The following LYST variants were observed in gnomAD, a reference collection of about 807,000 sequenced individuals.
LYST encodes the protein lysosomal trafficking regulator, also known as lysosomal-trafficking regulator.
A neutral mutation model predicts 413.6 loss-of-function variants in LYST; 192 were observed. The observed-to-expected ratio is 0.46, with a 90% confidence interval of 0.41 to 0.52. The LOEUF is 0.52. LYST is among the 20% of genes least tolerant of loss of function. The pLI is 0.00. For missense variants in LYST, 3,815 were observed against 4,499.9 expected, an observed-to-expected ratio of 0.85 and a Z score of 4.35; for synonymous variants, 1,525 against 1,567.3, an observed-to-expected ratio of 0.97 and a Z score of 0.64.
At chr1:235,853,369 A>T (rs1387026521) in intron 1 of LYST, among the ~76,000 whole-genome samples, 1 of 152,198 alleles carries the variant, frequency 6.6e-6, no homozygotes, top group East Asian at 1.9e-4. Flanking sequence ...TAACTAGTGA[A>T]TATGGAAATA....
chr1:235,861,715 G>A (rs971473998), intron 1 of LYST, among the ~76,000 whole-genome samples: 5 of 152,022 alleles, frequency 3.3e-5, no homozygotes, highest in African/African-American at 4.8e-5. Context: ...GGCTGGACTC[G>A]AACCAGGCTC....
At chr1:235,776,387 T>G (rs149258083) in intron 17 of LYST, among the ~76,000 whole-genome samples, 4 of 152,264 alleles carry the variant, frequency 2.6e-5, no homozygotes, top group Non-Finnish European at 5.9e-5. Context: ...CTTGATAATG[T>G]TGCAAAAGTT....
At chr1:235,853,601 C>T (rs1248386640) in intron 1 of LYST, among the ~76,000 whole-genome samples, 2 of 151,928 alleles carry the variant, frequency 1.3e-5, no homozygotes, top group Non-Finnish European at 2.9e-5. Context: ...TTTCATATTT[C>T]AGGGTGTCAA....
intron 3 of LYST, among the ~76,000 whole-genome samples, chr1:235,815,178 G>A (rs921225985): frequency 4.6e-5 from 7 of 152,010 alleles, no homozygotes; most frequent in Non-Finnish European, 1.0e-4. Context: ...TCTTTTATCC[G>A]TTAAACAAAT....
chr1:235,847,105 G>T (rs1159168946), intron 1 of LYST, among the ~76,000 whole-genome samples: 1 of 152,128 alleles, frequency 6.6e-6, no homozygotes, highest in East Asian at 1.9e-4. Flanking sequence ...ATGAAGGAAA[G>T]AATTTTAAGA....
intron 34 of LYST, among the ~76,000 whole-genome samples, chr1:235,733,039 A>T (rs1313478694): frequency 3.9e-5 from 6 of 152,206 alleles, no homozygotes; most frequent in African/African-American, 1.2e-4. Flanking sequence ...CTTTTCGAGT[A>T]ATTCTTTTAT....
chr1:235,850,969 A>G lies in LYST; in HGVS notation c.-98+15874T>C, dbSNP rs1327409343. 2.6e-5 allele frequency among the ~76,000 whole-genome samples: 4 copies of G among 152,304 alleles called. No homozygotes were observed. In the East Asian group the frequency reaches 7.7e-4, roughly 29 times the overall value. On this transcript the variant is annotated intron_variant, in intron 1 of 52. Transcript: ENST00000389793. Reference sequence around the variant, plus strand: ...AGCCTCTATGGAAAACAATGTGGAGATTCCTTAAAGAACTAAAAGTAGAAC... The same window carrying G: ...AGCCTCTATGGAAAACAATGTGGAGGTTCCTTAAAGAACTAAAAGTAGAAC...
intron 50 of LYST, among the ~76,000 whole-genome samples, chr1:235,667,584 G>T (rs1658594454): frequency 6.6e-6 from 1 of 152,174 alleles, no homozygotes; most frequent in African/African-American, 2.4e-5. Flanking sequence ...GACCCCTGAG[G>T]ATATCAAAAT....
chr1:235,795,909 A>G (rs1671505166), intron 10 of LYST, among the ~76,000 whole-genome samples: 1 of 152,116 alleles, frequency 6.6e-6, no homozygotes, highest in Non-Finnish European at 1.5e-5. Flanking sequence ...TATTACTATA[A>G]TCAAATATAT....
chr1:235,798,576 C>CTTAAAAAAAAAAAAA lies in LYST; in HGVS notation c.4006+1743_4006+1744insTTTTTTTTTTTTTAA, dbSNP rs1558261064. Among the ~76,000 whole-genome samples, 6 of 24,546 alleles carry CTTAAAAAAAAAAAAA rather than the reference C, an allele frequency of 2.4e-4. 1 individual carries two copies. Among genetic ancestry groups the CTTAAAAAAAAAAAAA allele is most frequent in the African/African-American group, 8.2e-4 (6 of 7,328 alleles). The allele number at this position is 24,546 out of a possible 152,430, so 16.1% of individuals were successfully genotyped here. ...CTTGGCGACAAGGGCAAAACCCTGT[C>CTTAAAAAAAAAAAAA]ATAAAAAAAAAAAAAAAAAAAAAAA... On this transcript the variant is annotated intron_variant, in intron 10 of 52. Transcript: ENST00000389793.
intron 37 of LYST, among the ~76,000 whole-genome samples, chr1:235,729,348 G>A (rs1380855204): frequency 1.3e-5 from 2 of 152,116 alleles, no homozygotes; most frequent in African/African-American, 2.4e-5. Flanking sequence ...ATATAAATTT[G>A]CATATCATGA....
intron 45 of LYST, among the ~76,000 whole-genome samples, chr1:235,698,261 C>T (rs142980448): frequency 1.6e-4 from 24 of 151,992 alleles, no homozygotes; most frequent in African/African-American, 5.8e-4. Context: ...CTGTAAAAAA[C>T]CTGATTTTTA....
chr1:235,861,634 A>C (rs1679879222), intron 1 of LYST, among the ~76,000 whole-genome samples: 1 of 152,150 alleles, frequency 6.6e-6, no homozygotes, highest in African/African-American at 2.4e-5. Context: ...AAATTCCAGA[A>C]GACTGATATA....
chr1:235,758,929 A>G, intron 23 of LYST, 43 bp downstream of exon 23: 1 of 1,596,072 alleles, frequency 6.3e-7, no homozygotes, highest in Non-Finnish European at 8.6e-7. Context: ...TTTAAAGAAT[A>G]GTAAAATAAA....
At chr1:235,754,233 T>TC (rs1370730720) in intron 25 of LYST, among the ~76,000 whole-genome samples, 11 of 142,498 alleles carry the variant, frequency 7.7e-5, no homozygotes, top group Admixed American at 3.5e-4. Context: ...TCTTTTCTTT[T>TC]TTTTTTTTTT....
intron 12 of LYST, 67 bp from the exon 13 acceptor site, chr1:235,788,912 TAGA>T: frequency 1.4e-6 from 2 of 1,463,264 alleles, no homozygotes; most frequent in South Asian, 2.3e-5. Flanking sequence ...AAAGTGAATT[TAGA>T]AGAATACAAA....
Position 235,697,110 on chromosome 1 carries a change from G to T in LYST, c.10537C>A (p.Leu3513Ile). 6.2e-7 allele frequency: 1 copy of T among 1,614,130 alleles called. No homozygotes were observed. The highest frequency in any genetic ancestry group is 8.5e-7 in the Non-Finnish European group (1 of 1,179,988). ...AICGLSRNFC[L>I]LMTYSKEQGV... ...TGTTCCTTGCTATATGTCATCAGAA[G>T]ACAGAAATTCCGTGACAAACCACAG... Residue 3513 changes from leucine to isoleucine, a missense_variant, in exon 46 of 53, where the codon CTT becomes ATT. By Grantham distance (5) the Leu-to-Ile change is conservative. Transcript: ENST00000389793.
chr1:235,879,717 G>A (rs958746815), intron 1 of LYST, among the ~76,000 whole-genome samples: 2 of 150,958 alleles, frequency 1.3e-5, no homozygotes, highest in Non-Finnish European at 2.9e-5. Context: ...TCTGAGAATG[G>A]ATCTAACTTC....
chr1:235,741,428 G>A lies in LYST; in HGVS notation c.8352C>T (p.Ser2784=). The change falls in exon 31 of 53, where the codon TCC becomes TCT. Residue 2784 remains serine (S), a synonymous_variant. Transcript: ENST00000389793. ...QEILRDCLSP[S]LQHGAKLVLY... ...TCAAAGCTGAGATACTTACTTGTAG[G>A]GATGGGCTGAGACAGTCTCGTAGTA... 2 of 1,612,422 alleles carry A rather than the reference G, an allele frequency of 1.2e-6. No homozygotes were observed. Among genetic ancestry groups the A allele is most frequent in the Middle Eastern group, 1.7e-4 (1 of 6,058 alleles).
Sources: allele counts gnomAD v4.1 joint callset (sites outside exome capture counted in the v4.1 genomes callset), GRCh38; gene constraint gnomAD v4.1.1; transcripts MANE v1.5; gene names NCBI Gene and HGNC (gene_info 2026-07-23, HGNC 2026-07-21).